Variants in EHMT1 observed in about 807,000 individuals in gnomAD.
EHMT1 encodes the protein histone-lysine N-methyltransferase EHMT1.
A neutral mutation model predicts 147.2 loss-of-function variants in EHMT1; 15 were observed. That is an observed-to-expected ratio of 0.10 (90% CI 0.07 to 0.16). The LOEUF (loss-of-function observed/expected upper bound fraction) is 0.16, where lower values mean the gene tolerates loss of function less well. Among genes scored for constraint, EHMT1 ranks in the 10% least tolerant of loss-of-function variants. The pLI is 1.00. For missense variants in EHMT1, 1,587 were observed against 1,772.4 expected, an observed-to-expected ratio of 0.90 and a Z score of 1.88; for synonymous variants, 795 against 709.6, an observed-to-expected ratio of 1.12 and a Z score of -1.91.
At chr9:137,671,618 G>T (rs894103179) in intron 1 of EHMT1, among the ~76,000 whole-genome samples, 1 of 147,984 alleles carries the variant, frequency 6.8e-6, no homozygotes, top group Non-Finnish European at 1.5e-5. Flanking sequence ...TCTGCCTCTC[G>T]GGCTCAAGCT....
intron 10 of EHMT1, among the ~76,000 whole-genome samples, chr9:137,770,561 C>A (rs1229236085): frequency 3.3e-5 from 5 of 152,208 alleles, no homozygotes; most frequent in Non-Finnish European, 7.3e-5. Context: ...CTGCCCTGCT[C>A]GTTGTTTGGT....
intron 19 of EHMT1, 109 bp from the exon 20 acceptor site, chr9:137,812,897 A>G: frequency 6.9e-7 from 1 of 1,452,886 alleles, no homozygotes; most frequent in Non-Finnish European, 9.6e-7. Flanking sequence ...TCTCACAGTG[A>G]ATAGTGTTCC....
intron 1 of EHMT1, among the ~76,000 whole-genome samples, chr9:137,705,784 G>T (rs370368419): frequency 6.6e-6 from 1 of 152,194 alleles, no homozygotes; most frequent in African/African-American, 2.4e-5. Context: ...TGTGAGGTTG[G>T]GGGATGGCCC....
chr9:137,660,043 A>C (rs774878014), intron 1 of EHMT1, among the ~76,000 whole-genome samples: 32 of 151,606 alleles, frequency 2.1e-4, no homozygotes, highest in Admixed American at 1.3e-4. Context: ...ATTCGATTTC[A>C]TCTTTCTTCA....
At chr9:137,757,079 C>G (rs1208684098) in intron 8 of EHMT1, among the ~76,000 whole-genome samples, 1 of 152,234 alleles carries the variant, frequency 6.6e-6, no homozygotes, top group African/African-American at 2.4e-5. Context: ...GGTACAGGTA[C>G]ACACTTTCAT....
intron 1 of EHMT1, among the ~76,000 whole-genome samples, chr9:137,702,369 G>A (rs973106165): frequency 1.3e-5 from 2 of 152,164 alleles, no homozygotes; most frequent in Non-Finnish European, 2.9e-5. Flanking sequence ...AGTAATACAG[G>A]CATTGGGTAA....
At chr9:137,816,911 A>G (rs12003071) in intron 23 of EHMT1, 3,428 of 215,750 alleles carry the variant, frequency 0.016, 44 homozygotes, top group Non-Finnish European at 0.023. Flanking sequence ...CCCACATGCC[A>G]GGACCGCCCA....
At chr9:137,822,428 T>G (rs926321391) in intron 25 of EHMT1, among the ~76,000 whole-genome samples, 1 of 152,218 alleles carries the variant, frequency 6.6e-6, no homozygotes, top group Non-Finnish European at 1.5e-5. Context: ...TACCTTTAAC[T>G]TTAAAAGAAA....
chr9:137,678,709 T>TCCCC (rs35207834), intron 1 of EHMT1, among the ~76,000 whole-genome samples: 3 of 129,412 alleles, frequency 2.3e-5, no homozygotes, highest in East Asian at 2.4e-4. Flanking sequence ...TATATGAATG[T>TCCCC]CCCCCCCCCC....
At chr9:137,801,301 C>T (rs544185487) in intron 18 of EHMT1, among the ~76,000 whole-genome samples, 1 of 152,304 alleles carries the variant, frequency 6.6e-6, no homozygotes, top group Non-Finnish European at 1.5e-5. Context: ...TGCCACAGCA[C>T]CTCTGGCTCT....
chr9:137,653,681 A>T (rs952425565), intron 1 of EHMT1, among the ~76,000 whole-genome samples: 1 of 152,092 alleles, frequency 6.6e-6, no homozygotes, highest in Non-Finnish European at 1.5e-5. Flanking sequence ...GGCATGTGCC[A>T]CCGTGCCCAG....
chr9:137,705,014 G>A (rs4130320), intron 1 of EHMT1, among the ~76,000 whole-genome samples: 14,935 of 134,110 alleles, frequency 0.11, 819 homozygotes, highest in Middle Eastern at 0.22. Context: ...TTTTGACAGC[G>A]TCTTCCTCTG....
chr9:137,757,818 C>T (rs527679185), intron 8 of EHMT1, 62 bp from the exon 9 acceptor site: 26 of 1,608,956 alleles, frequency 1.6e-5, no homozygotes, highest in South Asian at 7.7e-5. Flanking sequence ...CTGCCCTGTG[C>T]GTCTGGGTGG....
At position 137,776,466 on chromosome 9, in the gene EHMT1, A is replaced by T; in HGVS notation, c.1792-152A>T. On this transcript the variant is annotated intron_variant, in intron 11 of 26. Transcript: ENST00000460843. This position sits in a 1 kb window ranked among gnomAD's most constrained non-coding sequence, Gnocchi z 4.4. Reference sequence around the variant, plus strand: ...GAAGCATCGTTCCTCCTTCTTAACGATGCCTGGGGCCAAGACTGGACCCCA... The same window carrying T: ...GAAGCATCGTTCCTCCTTCTTAACGTTGCCTGGGGCCAAGACTGGACCCCA... 1.4e-6 allele frequency: 1 copy of T among 698,020 alleles called. No homozygotes were observed. Among genetic ancestry groups the T allele is most frequent in the South Asian group, 1.7e-5 (1 of 59,930 alleles). 43.2% of individuals were successfully genotyped at this position (698,020 alleles called of 1,614,324 possible). A position where few individuals can be genotyped will look rare whatever the true frequency, so the allele number is the denominator to read the frequency against.
intron 3 of EHMT1, among the ~76,000 whole-genome samples, chr9:137,726,371 G>A (rs9410124): frequency 0.095 from 14,458 of 152,120 alleles, 2,180 homozygotes; most frequent in African/African-American, 0.32. Flanking sequence ...ATGGTACAAC[G>A]TTTGTTCTTT....
chr9:137,758,218 C>CT (rs1240270389), intron 9 of EHMT1, among the ~76,000 whole-genome samples: 2 of 152,224 alleles, frequency 1.3e-5, no homozygotes, highest in African/African-American at 2.4e-5. Context: ...CGGAAACCCT[C>CT]TAAGAGTCAA....
intron 6 of EHMT1, among the ~76,000 whole-genome samples, chr9:137,744,919 TAC>T: frequency 6.6e-6 from 1 of 152,378 alleles, no homozygotes; most frequent in Admixed American, 6.5e-5. Context: ...TTCTTAGACA[TAC>T]AGTTTCGGAG....
At chr9:137,725,604 G>A (rs1026874587) in intron 3 of EHMT1, among the ~76,000 whole-genome samples, 2 of 152,176 alleles carry the variant, frequency 1.3e-5, no homozygotes, top group African/African-American at 2.4e-5. Context: ...AGGGAGCCCA[G>A]GTCGTTCTAT....
chr9:137,650,102 T>G (rs1018289998), intron 1 of EHMT1, among the ~76,000 whole-genome samples: 1 of 152,036 alleles, frequency 6.6e-6, no homozygotes, highest in Non-Finnish European at 1.5e-5. Flanking sequence ...TTATTTTATT[T>G]ATTTATTTTT....
Sources: gnomAD v4.1 joint callset for allele counts (sites outside exome capture counted in the v4.1 genomes callset) on GRCh38, gnomAD v4.1.1 for gene constraint, Gnocchi (gnomAD v3.1) non-coding constraint, MANE v1.5 for transcripts, NCBI Gene and HGNC (gene_info 2026-07-23, HGNC 2026-07-21) for gene names.